The following DKK3 variants were observed in gnomAD, a reference collection of about 807,000 sequenced individuals.
The protein encoded by DKK3 is dickkopf Wnt signaling pathway inhibitor 3.
Under a neutral mutation model 33.2 loss-of-function variants are expected in DKK3, and 22 were observed. The ratio of observed to expected loss-of-function variants is 0.66; its 90% confidence interval spans 0.47 to 0.95. The LOEUF is 0.95. Ranked by LOEUF, DKK3 falls within the 40% of genes least tolerant of loss-of-function variation. DKK3 has a pLI of 0.00. For missense variants in DKK3, 398 were observed against 458.4 expected, an observed-to-expected ratio of 0.87 and a Z score of 1.20; for synonymous variants, 194 against 188.8, an observed-to-expected ratio of 1.03 and a Z score of -0.23.
chr11:11,965,723 GA>G (rs1847572939), intron 6 of DKK3, 85 bp downstream of exon 6: 1 of 1,506,450 alleles, frequency 6.6e-7, no homozygotes, highest in Admixed American at 2.1e-5. Flanking sequence ...CTCCCCCAGG[GA>G]AAACCTGCTC....
chr11:11,979,222 G>A (rs1247918457), intron 3 of DKK3, among the ~76,000 whole-genome samples: 1 of 152,236 alleles, frequency 6.6e-6, no homozygotes, highest in Non-Finnish European at 1.5e-5. Flanking sequence ...TCAGGAAATG[G>A]AGGCTGGGTG....
chr11:12,003,140 C>A (rs1411665820), intron 1 of DKK3, among the ~76,000 whole-genome samples: 2 of 152,234 alleles, frequency 1.3e-5, no homozygotes, highest in Non-Finnish European at 2.9e-5. Flanking sequence ...CACTTTCCCA[C>A]TTCCTGCTAG....
intron 1 of DKK3, among the ~76,000 whole-genome samples, chr11:12,002,853 T>C (rs1477518382): frequency 6.6e-6 from 1 of 152,206 alleles, no homozygotes; most frequent in Non-Finnish European, 1.5e-5. Context: ...TTCCCATACA[T>C]GCCAACAACC....
intron 1 of DKK3, among the ~76,000 whole-genome samples, chr11:12,003,491 A>G (rs1481342697): frequency 1.3e-5 from 2 of 152,172 alleles, no homozygotes; most frequent in African/African-American, 4.8e-5. Flanking sequence ...CAGATATGTC[A>G]GTGACCTCAT....
upstream of DKK3, chr11:12,009,405 C>T (rs1848613376): frequency 5.1e-6 from 5 of 972,116 alleles, no homozygotes; most frequent in Non-Finnish European, 6.1e-6. Flanking sequence ...CCAGGCCCAC[C>T]CCGCCCCGCG....
chr11:11,993,518 T>C (rs1434362363), intron 3 of DKK3, among the ~76,000 whole-genome samples: 1 of 152,068 alleles, frequency 6.6e-6, no homozygotes, highest in Admixed American at 6.6e-5. Flanking sequence ...TTGAGGAGAG[T>C]ACAACTTAAT....
chr11:11,969,222 G>A (rs1364965814), intron 3 of DKK3, among the ~76,000 whole-genome samples: 7 of 152,200 alleles, frequency 4.6e-5, no homozygotes, highest in East Asian at 1.9e-4. Flanking sequence ...CATGGTCGCC[G>A]GTCACTGGCA....
At chr11:11,972,419 C>G (rs1018877010) in intron 3 of DKK3, among the ~76,000 whole-genome samples, 1 of 152,226 alleles carries the variant, frequency 6.6e-6, no homozygotes, top group South Asian at 2.1e-4. Flanking sequence ...CCTGACTTAT[C>G]TACATCCTGA....
chr11:11,979,021 G>A (rs1250875577), intron 3 of DKK3: 1 of 152,256 alleles, frequency 6.6e-6, no homozygotes, highest in Non-Finnish European at 1.5e-5. Context: ...CCAAAAAGAT[G>A]GCCAGGCTGA....
At chr11:12,006,929 A>T (rs906194179) in intron 1 of DKK3, among the ~76,000 whole-genome samples, 1 of 152,202 alleles carries the variant, frequency 6.6e-6, no homozygotes, top group African/African-American at 2.4e-5. Flanking sequence ...AGGCATCGCA[A>T]ACTCCACTTA....
chr11:12,002,859 C>T (rs75006909), intron 1 of DKK3, among the ~76,000 whole-genome samples: 41 of 152,336 alleles, frequency 2.7e-4, no homozygotes, highest in African/African-American at 9.6e-4. Context: ...TACATGCCAA[C>T]AACCAACTCT....
At chr11:11,990,955 C>T (rs1279236418) in intron 3 of DKK3, among the ~76,000 whole-genome samples, 2 of 152,192 alleles carry the variant, frequency 1.3e-5, no homozygotes, top group Admixed American at 1.3e-4. Context: ...TTCATGGCTG[C>T]TAGCAGAAGA....
At chr11:12,001,182 A>G (rs983918101) in intron 2 of DKK3, among the ~76,000 whole-genome samples, 7 of 152,232 alleles carry the variant, frequency 4.6e-5, no homozygotes, top group African/African-American at 1.7e-4. Flanking sequence ...TGGTTTTGAC[A>G]AGAATAAAAT....
chr11:11,977,809 G>C (rs1240730621), intron 3 of DKK3, among the ~76,000 whole-genome samples: 3 of 152,182 alleles, frequency 2.0e-5, no homozygotes, highest in African/African-American at 7.2e-5. Context: ...CAGACCCGCT[G>C]CCTCCTCCAT....
intron 3 of DKK3, among the ~76,000 whole-genome samples, chr11:11,992,302 G>T (rs558316799): frequency 6.6e-6 from 1 of 152,198 alleles, no homozygotes; most frequent in Non-Finnish European, 1.5e-5. Flanking sequence ...CTAAGGCTTA[G>T]AGCAGTTCAG....
intron 3 of DKK3, among the ~76,000 whole-genome samples, chr11:11,973,307 G>A (rs2135011407): frequency 6.6e-6 from 1 of 152,296 alleles, no homozygotes; most frequent in East Asian, 1.9e-4. Flanking sequence ...TTCATTTCCT[G>A]CTGGGGAGAT....
At chr11:12,008,706 CCT>C (rs1381251413), upstream of DKK3, 23 of 1,213,854 alleles carry the variant, frequency 1.9e-5, no homozygotes, top group African/African-American at 3.0e-4. This position sits in a 1 kb window ranked among gnomAD's most constrained non-coding sequence, Gnocchi z 4.6. Context: ...CCCTGGCGCC[CCT>C]CTTTCCCGCA....
rs1290420817 is a variant in DKK3 at position 11,966,967 on chromosome 11, A to G, written c.660T>C (p.Cys220=). 3 of 1,613,934 alleles carry G rather than the reference A, an allele frequency of 1.9e-6. No homozygotes were observed. The highest frequency in any genetic ancestry group is 2.2e-5 in the East Asian group (1 of 44,882). ...GAGGCCACTCACCTCTCTGGAAGGC[A>G]CAGCACAGCCCCGGCTGGCAGTCCC... The part of the protein sequence containing the change: ...NQRDCQPGLC[C]AFQRGLLFPV... Residue 220 remains cysteine, a synonymous_variant, in exon 5 of 7, where the codon TGT becomes TGC. Transcript: ENST00000683431.
At position 12,008,499 on chromosome 11, in the gene DKK3, G is replaced by A. The variant is rs1156526875; in HGVS notation, c.84C>T (p.Thr28=). The change falls in exon 1 of 7, where the codon ACC becomes ACT. Residue 28 remains threonine, a synonymous_variant. Coordinates refer to ENST00000683431, the MANE Select transcript of DKK3 (RefSeq NM_001018057.2). The surrounding 1 kb of genome is among the most constrained non-coding windows in gnomAD (Gnocchi z 4.6). The part of the protein sequence containing the change: ...PTAPAPAPTA[T]SAPVKPGPAL... The stretch of plus-strand genomic sequence containing the variant: ...CCGGGCCGGGCTTGACTGGAGCCGA[G>A]GTCGCCGTCGGAGCGGGCGCGGGGG... 1 of 1,596,448 alleles carries A rather than the reference G, an allele frequency of 6.3e-7. No individual in the cohort carries two copies. Among genetic ancestry groups the A allele is most frequent in the Non-Finnish European group, 8.5e-7 (1 of 1,176,354 alleles).
Sources: allele counts gnomAD v4.1 joint callset (sites outside exome capture counted in the v4.1 genomes callset), GRCh38; gene constraint gnomAD v4.1.1; non-coding constraint Gnocchi (gnomAD v3.1); transcripts MANE v1.5; gene names NCBI Gene and HGNC (gene_info 2026-07-23, HGNC 2026-07-21).